The following ST6GALNAC3 variants were observed in gnomAD, a reference collection of about 807,000 sequenced individuals.
ST6GALNAC3 encodes the protein alpha-N-acetylgalactosaminide alpha-2,6-sialyltransferase 3.
ST6GALNAC3 carries 25 observed loss-of-function variants against 32.7 expected under a neutral mutation model. The observed-to-expected ratio is 0.76, with a 90% CI of 0.56 to 1.07. ST6GALNAC3 has a LOEUF of 1.07. ST6GALNAC3 is among the 50% of genes least tolerant of loss of function. The pLI is 0.00. For synonymous variants in ST6GALNAC3, 129 were observed against 133.1 expected, an observed-to-expected ratio of 0.97 and a Z score of 0.21; for missense variants, 355 against 382.4, an observed-to-expected ratio of 0.93 and a Z score of 0.60.
At chr1:76,435,941 A>G (rs1469489743) in intron 3 of ST6GALNAC3, among the ~76,000 whole-genome samples, 3 of 151,708 alleles carry the variant, frequency 2.0e-5, no homozygotes, top group African/African-American at 4.8e-5. Flanking sequence ...TTTGGTGGTG[A>G]TCTGTGAGCT....
At chr1:76,410,540 T>C (rs755416374) in intron 2 of ST6GALNAC3, among the ~76,000 whole-genome samples, 39 of 152,102 alleles carry the variant, frequency 2.6e-4, no homozygotes, top group Non-Finnish European at 4.3e-4. Flanking sequence ...TATGGGATGA[T>C]AGTTTATTTA....
At chr1:76,417,977 A>G (rs184579409) in intron 3 of ST6GALNAC3, among the ~76,000 whole-genome samples, 6 of 152,306 alleles carry the variant, frequency 3.9e-5, no homozygotes, top group Non-Finnish European at 8.8e-5. Flanking sequence ...CTAAAAACAT[A>G]AAATGGGACA....
intron 2 of ST6GALNAC3, among the ~76,000 whole-genome samples, chr1:76,399,080 C>G (rs947410686): frequency 4.6e-5 from 7 of 151,964 alleles, no homozygotes; most frequent in African/African-American, 1.7e-4. Flanking sequence ...ATTTTATTAT[C>G]TATATATAGG....
chr1:76,139,984 C>G (rs748707028), intron 1 of ST6GALNAC3, among the ~76,000 whole-genome samples: 1 of 152,204 alleles, frequency 6.6e-6, no homozygotes, highest in Non-Finnish European at 1.5e-5. Flanking sequence ...GACAGAATCT[C>G]TTTACTTCCT....
chr1:76,110,886 CAA>C (rs1434785939), intron 1 of ST6GALNAC3, among the ~76,000 whole-genome samples: 1 of 151,688 alleles, frequency 6.6e-6, no homozygotes, highest in Non-Finnish European at 1.5e-5. Context: ...GAACCTAAGC[CAA>C]AAAAGAGATG....
intron 1 of ST6GALNAC3, among the ~76,000 whole-genome samples, chr1:76,152,652 G>A (rs1317149858): frequency 3.9e-5 from 6 of 152,164 alleles, no homozygotes; most frequent in Non-Finnish European, 8.8e-5. Flanking sequence ...CAGAATGAAA[G>A]GCCCCCACAG....
At chr1:76,176,337 C>T (rs548800892) in intron 1 of ST6GALNAC3, among the ~76,000 whole-genome samples, 1 of 152,336 alleles carries the variant, frequency 6.6e-6, no homozygotes, top group African/African-American at 2.4e-5. Flanking sequence ...GTTTGACTTA[C>T]AGCCTGCTCA....
At chr1:76,508,144 T>C (rs1479117465) in intron 3 of ST6GALNAC3, among the ~76,000 whole-genome samples, 1 of 152,196 alleles carries the variant, frequency 6.6e-6, no homozygotes, top group Non-Finnish European at 1.5e-5. Flanking sequence ...ACTGGTTTCA[T>C]GGAAGAAAAA....
At position 76,412,156 on chromosome 1, in the gene ST6GALNAC3, G is replaced by T; in HGVS notation, c.362G>T (p.Arg121Leu). Residue 121 changes from arginine (R) to leucine (L), a missense_variant, in exon 3 of 5, where the codon CGC becomes CTC. Coordinates refer to ENST00000328299, the MANE Select transcript of ST6GALNAC3 (RefSeq NM_152996.4). Reference protein sequence around the residue: ...PTKGYEEDVGRMTMIRVVSHT... With the variant: ...PTKGYEEDVGLMTMIRVVSHT... ...AAAGGTTATGAAGAAGATGTCGGCC[G>T]CATGACCATGATTCGAGTTGTGTCC... 1 of 1,613,626 alleles carries T rather than the reference G, an allele frequency of 6.2e-7. No homozygotes were observed. The highest frequency in any genetic ancestry group is 8.5e-7 in the Non-Finnish European group (1 of 1,179,772).
chr1:76,360,219 C>T (rs1409340324), intron 2 of ST6GALNAC3, among the ~76,000 whole-genome samples: 2 of 152,190 alleles, frequency 1.3e-5, no homozygotes, highest in African/African-American at 4.8e-5. Context: ...AGGTAGACTT[C>T]TGTCTCTGAT....
At position 76,528,699 on chromosome 1, in the gene ST6GALNAC3, C is replaced by T. The variant is rs144326514; in HGVS notation, c.624-98753C>T. Among the ~76,000 whole-genome samples, 30 of 151,726 alleles carry T rather than the reference C, an allele frequency of 2.0e-4. 1 individual carries two copies. Among genetic ancestry groups the T allele is most frequent in the African/African-American group, 5.3e-4 (22 of 41,346 alleles). On this transcript the variant is annotated intron_variant, in intron 3 of 4. Coordinates refer to ENST00000328299, the MANE Select transcript of ST6GALNAC3 (RefSeq NM_152996.4). ...TTCTCTCTCCACATTTTTGGGTCTT[C>T]AGAATGATCAGCATCCATGCCTGAA...
In ST6GALNAC3 at chr1:76,516,350, T is replaced by G. The variant is rs191776930; in HGVS notation, c.623+103933T>G. ...CCTTCTTTTTTCTATTGTTTGCTTT[T>G]GATGAGCATATGCTTTTCCTGTTTG... On this transcript the variant is annotated intron_variant, in intron 3 of 4. Coordinates refer to ENST00000328299, the MANE Select transcript of ST6GALNAC3 (RefSeq NM_152996.4). Among the ~76,000 whole-genome samples the G allele has an allele frequency of 3.0e-3, 451 of 152,360 alleles. 1 individual carries two copies. Among genetic ancestry groups the G allele is most frequent in the Non-Finnish European group, 4.9e-3 (336 of 68,032 alleles).
intron 2 of ST6GALNAC3, among the ~76,000 whole-genome samples, chr1:76,345,552 T>A (rs774399550): frequency 1.6e-4 from 24 of 152,178 alleles, no homozygotes; most frequent in Admixed American, 6.5e-4. Context: ...CAGCTCTACC[T>A]TGAAATAGTA....
intron 1 of ST6GALNAC3, among the ~76,000 whole-genome samples, chr1:76,180,246 ACACT>A (rs1183036048): frequency 6.6e-6 from 1 of 152,186 alleles, no homozygotes; most frequent in Non-Finnish European, 1.5e-5. Flanking sequence ...TAATTATGTG[ACACT>A]CAGTAAGTTA....
At chr1:76,252,811 T>A (rs1657699538) in intron 1 of ST6GALNAC3, among the ~76,000 whole-genome samples, 1 of 152,186 alleles carries the variant, frequency 6.6e-6, no homozygotes, top group African/African-American at 2.4e-5. Flanking sequence ...TGTGATAGCA[T>A]TCAATTTAAA....
intron 1 of ST6GALNAC3, among the ~76,000 whole-genome samples, chr1:76,135,166 C>T (rs1251882814): frequency 1.3e-5 from 2 of 151,950 alleles, no homozygotes; most frequent in Non-Finnish European, 2.9e-5. Context: ...ATACTTTCTT[C>T]TTAAAAGTAA....
At chr1:76,608,234 T>C (rs764665168) in intron 3 of ST6GALNAC3, among the ~76,000 whole-genome samples, 6 of 152,202 alleles carry the variant, frequency 3.9e-5, no homozygotes, top group Non-Finnish European at 8.8e-5. Flanking sequence ...GTGCAATGAA[T>C]TTAGAAAATA....
chr1:76,158,230 A>G (rs539717485), intron 1 of ST6GALNAC3, among the ~76,000 whole-genome samples: 12 of 152,304 alleles, frequency 7.9e-5, no homozygotes, highest in African/African-American at 2.2e-4. Flanking sequence ...TGATTTGAAC[A>G]GGTGGTTTTA....
chr1:76,535,796 G>C lies in ST6GALNAC3; in HGVS notation c.624-91656G>C, dbSNP rs1451261007. Among the ~76,000 whole-genome samples the C allele has an allele frequency of 4.7e-5, 7 of 149,142 alleles. No homozygotes were observed. The East Asian group carries it at 1.4e-3, about 29-fold the overall frequency. ...TAAACAGCATTTAAAGCATGAGCTT[G>C]TTTGTTGCTATAAGGCTATTTTTTT... On this transcript the variant is annotated intron_variant, in intron 3 of 4. Transcript: ENST00000328299.
Sources: gnomAD v4.1 joint callset for allele counts (sites outside exome capture counted in the v4.1 genomes callset) on GRCh38, gnomAD v4.1.1 for gene constraint, MANE v1.5 for transcripts, NCBI Gene and HGNC (gene_info 2026-07-23, HGNC 2026-07-21) for gene names.